Variants in PCDH15 observed in about 807,000 individuals in gnomAD.
The protein encoded by PCDH15 is protocadherin related 15, also known as protocadherin-15.
PCDH15 carries 129 observed loss-of-function variants against 178.5 expected under a neutral mutation model. The ratio of observed to expected loss-of-function variants is 0.72; its 90% confidence interval spans 0.63 to 0.84. The LOEUF (loss-of-function observed/expected upper bound fraction) is 0.84. PCDH15 is among the 40% of genes least tolerant of loss of function. The pLI is 0.00. For missense variants in PCDH15, 2,230 were observed against 2,099.9 expected (o/e 1.06, Z -1.21); for synonymous variants, 800 against 732.0 (o/e 1.09, Z -1.50).
intron 8 of PCDH15, among the ~76,000 whole-genome samples, chr10:54,274,561 T>C (rs552685350): frequency 2.0e-5 from 3 of 151,768 alleles, no homozygotes; most frequent in Admixed American, 1.3e-4. Context: ...CACTATGCGA[T>C]GAAAATTTTT....
At chr10:54,775,073 A>G (rs1019062097) in intron 1 of PCDH15, among the ~76,000 whole-genome samples, 12 of 152,196 alleles carry the variant, frequency 7.9e-5, no homozygotes, top group African/African-American at 2.7e-4. Flanking sequence ...ATATTATAAA[A>G]GAATTATGAG....
At chr10:55,334,272 GTGTGTGTGTGTGTA>G in intron 2 of PCDH15, among the ~76,000 whole-genome samples, 1 of 131,254 alleles carries the variant, frequency 7.6e-6, no homozygotes, top group African/African-American at 3.4e-5. Flanking sequence ...GTGTGTGTGT[GTGTGTGTGTGTGTA>G]TGTGTATATA....
At chr10:54,657,896 T>C (rs1399392545) in intron 2 of PCDH15, among the ~76,000 whole-genome samples, 3 of 152,012 alleles carry the variant, frequency 2.0e-5, no homozygotes, top group Non-Finnish European at 2.9e-5. Context: ...GAATTCAAAA[T>C]ACAGAGTGCA....
intron 2 of PCDH15, among the ~76,000 whole-genome samples, chr10:55,038,733 A>G (rs530394192): frequency 6.6e-6 from 1 of 152,270 alleles, no homozygotes; most frequent in South Asian, 2.1e-4. Flanking sequence ...GGGTGGTGAA[A>G]CCTGAAACTT....
intron 3 of PCDH15, among the ~76,000 whole-genome samples, chr10:54,861,416 G>A (rs1329944155): frequency 1.3e-5 from 2 of 152,030 alleles, no homozygotes; most frequent in Non-Finnish European, 2.9e-5. Context: ...AGTTTGAACC[G>A]GGAAGAAATA....
intron 3 of PCDH15, among the ~76,000 whole-genome samples, chr10:54,850,813 G>A (rs1011953301): frequency 2.0e-5 from 3 of 152,000 alleles, no homozygotes; most frequent in Non-Finnish European, 2.9e-5. Context: ...TACATTCCAG[G>A]AAAATAATAT....
At chr10:54,929,639 C>A (rs1172442737) in intron 2 of PCDH15, among the ~76,000 whole-genome samples, 5 of 152,262 alleles carry the variant, frequency 3.3e-5, no homozygotes, top group Non-Finnish European at 5.9e-5. Context: ...TACTTGTACC[C>A]TTTACAACTG....
At chr10:53,959,166 GTATA>G (rs1028198687) in intron 23 of PCDH15, among the ~76,000 whole-genome samples, 171 of 147,126 alleles carry the variant, frequency 1.2e-3, no homozygotes, top group African/African-American at 4.2e-3. Flanking sequence ...TTATATATGT[GTATA>G]TATAGTGTGT....
intron 23 of PCDH15, among the ~76,000 whole-genome samples, chr10:53,948,236 A>C (rs899481229): frequency 3.3e-5 from 5 of 152,116 alleles, no homozygotes; most frequent in Non-Finnish European, 7.4e-5. Context: ...GCTTTGGACA[A>C]TAAATTATAT....
chr10:54,722,532 C>A, intron 1 of PCDH15, among the ~76,000 whole-genome samples: 1 of 149,580 alleles, frequency 6.7e-6, no homozygotes, highest in African/African-American at 2.5e-5. Context: ...TGATCTTTGC[C>A]TGATCTTTCT....
chr10:54,169,981 C>T (rs1368203841), intron 13 of PCDH15, among the ~76,000 whole-genome samples: 9 of 150,476 alleles, frequency 6.0e-5, no homozygotes, highest in South Asian at 2.1e-4. Context: ...GCCTCTATAA[C>T]CCATTATTCT....
intron 2 of PCDH15, among the ~76,000 whole-genome samples, chr10:55,096,793 T>G (rs1231337110): frequency 6.6e-6 from 1 of 152,104 alleles, no homozygotes; most frequent in African/African-American, 2.4e-5. Flanking sequence ...TTAATACAAC[T>G]TTTTATATAA....
chr10:54,956,167 T>A (rs1186282767), intron 2 of PCDH15, among the ~76,000 whole-genome samples: 1 of 151,380 alleles, frequency 6.6e-6, no homozygotes, highest in Non-Finnish European at 1.5e-5. Flanking sequence ...AAAAAACAAG[T>A]ATCATTCTAT....
intron 2 of PCDH15, among the ~76,000 whole-genome samples, chr10:54,590,471 G>T (rs2091811286): frequency 1.3e-5 from 2 of 152,122 alleles, no homozygotes; most frequent in African/African-American, 4.8e-5. Context: ...TGGTTATTTA[G>T]AATACAGAGG....
intron 3 of PCDH15, among the ~76,000 whole-genome samples, chr10:54,384,962 GA>G (rs1949740478): frequency 6.6e-6 from 1 of 152,014 alleles, no homozygotes; most frequent in South Asian, 2.1e-4. Context: ...TTAAGAAATG[GA>G]TGTGGAATTA....
rs186747292 is a variant in PCDH15, at chr10:55,611,653, G to A, written c.-156+15972C>T. On this transcript the variant is annotated intron_variant, in intron 2 of 5. Transcript: ENST00000613346. ...TATGACCCAGAAATTCTACTTCTGG[G>A]TGTATACTCAAATGAGTTAAAATCA... is the stretch of plus-strand genomic sequence containing the variant. 6.5e-4 allele frequency among the ~76,000 whole-genome samples: 99 copies of A among 152,140 alleles called. 1 individual carries two copies. The highest frequency in any genetic ancestry group is 2.2e-3 in the African/African-American group (92 of 41,548).
intron 1 of PCDH15, among the ~76,000 whole-genome samples, chr10:55,307,674 T>C (rs1843466936): frequency 6.6e-6 from 1 of 151,888 alleles, no homozygotes; most frequent in Non-Finnish European, 1.5e-5. Flanking sequence ...CACAAAGAGA[T>C]TTGCCACACC....
At chr10:55,290,100 G>T (rs1417898210) in intron 1 of PCDH15, among the ~76,000 whole-genome samples, 1 of 151,540 alleles carries the variant, frequency 6.6e-6, no homozygotes, top group East Asian at 1.9e-4. Context: ...ATGATATTTT[G>T]TTATAGCAAC....
intron 8 of PCDH15, among the ~76,000 whole-genome samples, chr10:54,255,161 G>A (rs11815455): frequency 0.15 from 22,358 of 152,122 alleles, 2,178 homozygotes; most frequent in South Asian, 0.23. Flanking sequence ...GTACAAAAAA[G>A]ATGTATACAA....
Sources: allele counts gnomAD v4.1 joint callset (sites outside exome capture counted in the v4.1 genomes callset), GRCh38; gene constraint gnomAD v4.1.1; transcripts MANE v1.5; gene names NCBI Gene and HGNC (gene_info 2026-07-23, HGNC 2026-07-21).